Variants in WWC2 observed in about 807,000 individuals in gnomAD.
WWC2 encodes protein WWC2.
A neutral mutation model predicts 138.5 loss-of-function variants in WWC2; 101 were observed. That is an observed-to-expected ratio of 0.73 (90% CI 0.62 to 0.86). WWC2 has a LOEUF of 0.86. Among genes scored for constraint, WWC2 ranks in the 40% least tolerant of loss-of-function variants. The pLI is 0.00. For missense variants in WWC2, 1,420 were observed against 1,419.4 expected, an observed-to-expected ratio of 1.00 and a Z score of -0.01; for synonymous variants, 558 against 538.4, an observed-to-expected ratio of 1.04 and a Z score of -0.50.
At chr4:183,263,402 T>C (rs1183462148) in intron 11 of WWC2, among the ~76,000 whole-genome samples, 1 of 152,234 alleles carries the variant, frequency 6.6e-6, no homozygotes, top group Non-Finnish European at 1.5e-5. Flanking sequence ...GCCCATGCCT[T>C]GCTCCTGACA....
At chr4:183,228,350 T>A (rs1249374226) in intron 4 of WWC2, among the ~76,000 whole-genome samples, 2 of 152,074 alleles carry the variant, frequency 1.3e-5, no homozygotes, top group East Asian at 3.8e-4. Context: ...TAACGTTTGG[T>A]ATTTGATAGA....
In WWC2 at chr4:183,208,959, A is replaced by T; in HGVS notation, c.456A>T (p.Gly152=). 1 of 1,555,718 alleles carries T rather than the reference A, an allele frequency of 6.4e-7. No individual in the cohort carries two copies. The highest frequency in any genetic ancestry group is 8.7e-7 in the Non-Finnish European group (1 of 1,145,492). ...TTTTCTCTATAAAAGTATTCTCAGG[A>T]TCTTCATCCAGTACTAAATATGATC... ...KSSSHTSLFS[G]SSSSTKYDPD... The change falls in exon 4 of 23, where the codon GGA becomes GGT. Residue 152 remains glycine (G), a synonymous_variant. Transcript: ENST00000403733.
intron 1 of WWC2, among the ~76,000 whole-genome samples, chr4:183,193,287 G>T (rs1407366496): frequency 1.3e-5 from 2 of 152,090 alleles, no homozygotes; most frequent in African/African-American, 2.4e-5. Context: ...TTTTAATGGG[G>T]TATCTGTTTC....
At chr4:183,248,445 A>G (rs1019839899) in intron 6 of WWC2, among the ~76,000 whole-genome samples, 12 of 152,212 alleles carry the variant, frequency 7.9e-5, no homozygotes, top group African/African-American at 2.9e-4. Flanking sequence ...ACATGCATGT[A>G]TTTTAAAGAT....
rs1739421642 is a variant in WWC2, at chr4:183,315,883, CAT to C, written c.*155_*156del. The C allele has an allele frequency of 3.5e-6, 2 of 572,412 alleles. No individual in the cohort carries two copies. Among genetic ancestry groups the C allele is most frequent in the Non-Finnish European group, 6.1e-6 (2 of 327,896 alleles). 35.5% of individuals were successfully genotyped at this position (572,412 alleles called of 1,614,324 possible). A position where few individuals can be genotyped will look rare whatever the true frequency, so the allele number is the denominator to read the frequency against. On this transcript the variant is annotated 3_prime_UTR_variant, in exon 23 of 23. Coordinates refer to ENST00000403733, the MANE Select transcript of WWC2 (RefSeq NM_024949.6). ...TTTATTTCACATCAGATTTTCAACA[CAT>C]TAATTTGTAAAGTACCTTGAGTGTA...
chr4:183,268,962 T>C lies in WWC2; in HGVS notation c.2208-9T>C. On this transcript the variant is annotated splice_polypyrimidine_tract_variant and intron_variant, in intron 14 of 22. Transcript: ENST00000403733. ...CCTATGAAATCCATTTTATTCTTGT[T>C]CTTTGCAGATATTTTAGGGTTGCCG... 1 of 1,607,044 alleles carries C rather than the reference T, an allele frequency of 6.2e-7. No homozygotes were observed. The highest frequency in any genetic ancestry group is 1.3e-5 in the African/African-American group (1 of 74,668).
intron 1 of WWC2, among the ~76,000 whole-genome samples, chr4:183,113,533 C>T (rs975222881): frequency 6.7e-6 from 1 of 148,388 alleles, no homozygotes; most frequent in Admixed American, 6.6e-5. Flanking sequence ...CGTGCGCGCG[C>T]ACATGCACGT....
chr4:183,100,637 C>T (rs953303677), intron 1 of WWC2, among the ~76,000 whole-genome samples: 2 of 152,134 alleles, frequency 1.3e-5, no homozygotes, highest in Non-Finnish European at 2.9e-5. Flanking sequence ...AGGTGCTTCT[C>T]CTATTTAACA....
intron 4 of WWC2, among the ~76,000 whole-genome samples, chr4:183,214,152 A>G (rs374602237): frequency 1.5e-4 from 23 of 152,060 alleles, no homozygotes; most frequent in South Asian, 8.3e-4. Context: ...GAGAGTGAAG[A>G]ACAAAGACCC....
intron 1 of WWC2, among the ~76,000 whole-genome samples, chr4:183,137,923 T>C (rs1462531436): frequency 2.0e-5 from 3 of 152,232 alleles, no homozygotes; most frequent in Non-Finnish European, 2.9e-5. Context: ...TGTTTCCTTG[T>C]ATGTTTAGTG....
chr4:183,150,700 C>T (rs1733613543), intron 1 of WWC2, among the ~76,000 whole-genome samples: 2 of 152,008 alleles, frequency 1.3e-5, no homozygotes, highest in South Asian at 2.1e-4. Context: ...CCACAACAGG[C>T]CCCAGTGTGT....
intron 2 of WWC2, among the ~76,000 whole-genome samples, chr4:183,196,742 A>G (rs1027799050): frequency 6.6e-6 from 1 of 152,016 alleles, no homozygotes; most frequent in Non-Finnish European, 1.5e-5. Context: ...CACTCTCTGC[A>G]CAGCCCCTAG....
In WWC2 at chr4:183,132,547, G is replaced by A. The variant is rs182766200; in HGVS notation, c.131+32925G>A. Among the ~76,000 whole-genome samples the A allele has an allele frequency of 4.8e-3, 729 of 151,218 alleles. 10 individuals are homozygous for A. Among genetic ancestry groups the A allele is most frequent in the African/African-American group, 0.016 (655 of 41,182 alleles). On this transcript the variant is annotated intron_variant, in intron 1 of 22. Transcript: ENST00000403733. Reference sequence around the variant, plus strand: ...CAGCTCACTGCAAGCTCCGCCTCCCGGGTTCACGCCATTCTCCTGCCTCAG... The same window carrying A: ...CAGCTCACTGCAAGCTCCGCCTCCCAGGTTCACGCCATTCTCCTGCCTCAG...
chr4:183,163,693 C>G (rs927594749), intron 1 of WWC2, among the ~76,000 whole-genome samples: 1 of 151,946 alleles, frequency 6.6e-6, no homozygotes, highest in Non-Finnish European at 1.5e-5. Context: ...TTGGAAGTAC[C>G]CTTTGTCTTG....
At chr4:183,263,695 G>A (rs1319462645) in intron 11 of WWC2, among the ~76,000 whole-genome samples, 1 of 152,208 alleles carries the variant, frequency 6.6e-6, no homozygotes, top group Non-Finnish European at 1.5e-5. Flanking sequence ...AGGATGTCAA[G>A]GCTGCGACGA....
rs3749593 is a variant in WWC2, at chr4:183,289,738, T to C, written c.3384+103T>C. Reference sequence around the variant, plus strand: ...TACACTTCTGTTTTGCGCATAAGTCTTTAGATGTTTTACTACAGCTTGGAA... The same window carrying C: ...TACACTTCTGTTTTGCGCATAAGTCCTTAGATGTTTTACTACAGCTTGGAA... On this transcript the variant is annotated intron_variant, in intron 21 of 22. Transcript: ENST00000403733. 3 of 1,495,400 alleles carry C rather than the reference T, an allele frequency of 2.0e-6. No homozygotes were observed. In the East Asian group the frequency reaches 6.8e-5, roughly 34 times the overall value. The allele number at this position is 1,495,400 out of a possible 1,614,324, so 92.6% of individuals were successfully genotyped here. A position where few individuals can be genotyped will look rare whatever the true frequency, so the allele number is the denominator to read the frequency against.
intron 18 of WWC2, among the ~76,000 whole-genome samples, chr4:183,284,001 A>G (rs1218371415): frequency 6.6e-6 from 1 of 152,188 alleles, no homozygotes; most frequent in Non-Finnish European, 1.5e-5. Context: ...AGAACTTCCT[A>G]AGAACTTAGT....
chr4:183,264,151 T>G (rs1303091934), intron 11 of WWC2, among the ~76,000 whole-genome samples: 5 of 152,070 alleles, frequency 3.3e-5, no homozygotes, highest in African/African-American at 1.2e-4. Context: ...AGAAATAAAG[T>G]GGAAAATGCA....
chr4:183,247,028 TA>T (rs1736801262), intron 6 of WWC2, among the ~76,000 whole-genome samples: 1 of 152,216 alleles, frequency 6.6e-6, no homozygotes, highest in South Asian at 2.1e-4. Context: ...TAAATTACAT[TA>T]ATTAGTAGAT....
Sources: gnomAD v4.1 joint callset for allele counts (sites outside exome capture counted in the v4.1 genomes callset) on GRCh38, gnomAD v4.1.1 for gene constraint, MANE v1.5 for transcripts, NCBI Gene and HGNC (gene_info 2026-07-23, HGNC 2026-07-21) for gene names.